INTS4: variants seen among roughly 807,000 people sequenced by gnomAD.
INTS4 encodes MSTP093.
INTS4 carries 70 observed loss-of-function variants against 119.5 expected under a neutral mutation model. The observed-to-expected ratio is 0.59, with a 90% CI of 0.48 to 0.71. INTS4 has a LOEUF of 0.71. Among genes scored for constraint, INTS4 ranks in the 30% least tolerant of loss-of-function variants. The pLI, the probability that INTS4 is intolerant of heterozygous loss-of-function variation, is 0.00. For synonymous variants in INTS4, 316 were observed against 419.6 expected, an observed-to-expected ratio of 0.75 and a Z score of 3.02; for missense variants, 867 against 1,173.2, an observed-to-expected ratio of 0.74 and a Z score of 3.81.
At chr11:77,949,692 G>T (rs1954140229) in intron 8 of INTS4, among the ~76,000 whole-genome samples, 1 of 152,138 alleles carries the variant, frequency 6.6e-6, no homozygotes, top group African/African-American at 2.4e-5. Flanking sequence ...AGTTAGAATG[G>T]CAATCATTAA....
chr11:77,882,200 G>T (rs75614008), intron 22 of INTS4, among the ~76,000 whole-genome samples: 2,156 of 152,260 alleles, frequency 0.014, 54 homozygotes, highest in African/African-American at 0.048. Flanking sequence ...CAAGCCACCA[G>T]GCCTGGCTGT....
chr11:77,910,679 CAATTA>C (rs910514326), intron 15 of INTS4, among the ~76,000 whole-genome samples: 7 of 152,162 alleles, frequency 4.6e-5, no homozygotes, highest in African/African-American at 1.7e-4. Context: ...AAAGGATATA[CAATTA>C]AATTAAATTA....
At chr11:77,887,883 T>C (rs1952086361) in intron 21 of INTS4, among the ~76,000 whole-genome samples, 1 of 152,180 alleles carries the variant, frequency 6.6e-6, no homozygotes, top group South Asian at 2.1e-4. Flanking sequence ...GAAGGACCTC[T>C]TCAAGGAGAA....
chr11:77,955,299 T>G (rs1954291028), intron 8 of INTS4, among the ~76,000 whole-genome samples: 1 of 152,148 alleles, frequency 6.6e-6, no homozygotes, highest in Non-Finnish European at 1.5e-5. Context: ...ACTGCACTAT[T>G]GCACTCCTGC....
chr11:77,883,366 C>T (rs1441050910), intron 22 of INTS4, among the ~76,000 whole-genome samples: 3 of 151,994 alleles, frequency 2.0e-5, no homozygotes. Context: ...CCATTTTATC[C>T]TCACAATTCA....
intron 8 of INTS4, among the ~76,000 whole-genome samples, chr11:77,945,688 G>A (rs1039968361): frequency 2.6e-5 from 4 of 152,022 alleles, no homozygotes; most frequent in Non-Finnish European, 4.4e-5. Context: ...GTATGCACAC[G>A]CCAGTACTCA....
At chr11:77,915,861 G>A (rs117350518) in intron 15 of INTS4, among the ~76,000 whole-genome samples, 2,173 of 152,222 alleles carry the variant, frequency 0.014, 45 homozygotes, top group African/African-American at 0.048. Flanking sequence ...AAACACATTC[G>A]CATGAGTTTT....
Position 77,908,689 on chromosome 11 carries a change from T to C in INTS4, c.1923-879A>G, listed in dbSNP as rs78947660. On this transcript the variant is annotated intron_variant, in intron 15 of 22. Coordinates refer to ENST00000534064, the MANE Select transcript of INTS4 (RefSeq NM_033547.4). ...TTAATAAGGTGTATGATCTCAACTA[T>C]GTAAAAACTATATAGAGGAGAAAAA... Among the ~76,000 whole-genome samples, 345 of 152,296 alleles carry C rather than the reference T, an allele frequency of 2.3e-3. 1 individual carries two copies. The highest frequency in any genetic ancestry group is 7.7e-3 in the African/African-American group (319 of 41,568).
At chr11:77,934,629 A>C (rs1953747608) in intron 10 of INTS4, among the ~76,000 whole-genome samples, 1 of 152,206 alleles carries the variant, frequency 6.6e-6, no homozygotes, top group South Asian at 2.1e-4. Flanking sequence ...AAAAAAATAA[A>C]AGTGATGAAA....
chr11:77,959,311 C>T (rs2136579062), intron 6 of INTS4, among the ~76,000 whole-genome samples: 1 of 152,304 alleles, frequency 6.6e-6, no homozygotes, highest in African/African-American at 2.4e-5. Context: ...TCTGATTTCT[C>T]CTGATCTCCA....
intron 2 of INTS4, among the ~76,000 whole-genome samples, 162 bp from the exon 3 acceptor site, chr11:77,981,738 CTTTTATTT>C (rs748868668): frequency 3.7e-5 from 5 of 136,970 alleles, no homozygotes; most frequent in South Asian, 2.3e-4. Flanking sequence ...AGACAGCTTT[CTTTTATTT>C]ATTTATTTAT....
intron 12 of INTS4, chr11:77,922,905 A>G (rs1953397874): frequency 4.6e-6 from 1 of 218,736 alleles, no homozygotes; most frequent in African/African-American, 2.4e-5. Context: ...GCACGAGAGT[A>G]TGCTGGCTGG....
At chr11:77,953,687 G>T (rs1954250244) in intron 8 of INTS4, among the ~76,000 whole-genome samples, 1 of 151,982 alleles carries the variant, frequency 6.6e-6, no homozygotes, top group Non-Finnish European at 1.5e-5. Context: ...AGGTTCAAGT[G>T]ATCCTCCCAC....
At chr11:77,881,908 A>C (rs1472088360) in intron 22 of INTS4, among the ~76,000 whole-genome samples, 2 of 150,748 alleles carry the variant, frequency 1.3e-5, no homozygotes, top group African/African-American at 2.5e-5. Flanking sequence ...CTTGTTTCTG[A>C]TGGTTTTTTT....
intron 8 of INTS4, among the ~76,000 whole-genome samples, chr11:77,950,007 C>A (rs531074037): frequency 1.3e-5 from 2 of 152,186 alleles, no homozygotes; most frequent in South Asian, 4.1e-4. Context: ...GAAAATGTGG[C>A]GCATATACAC....
In INTS4 at chr11:77,941,264, A is replaced by C. The variant is rs1470934972; in HGVS notation, c.919-13T>G. On this transcript the variant is annotated splice_polypyrimidine_tract_variant and intron_variant, in intron 8 of 22. Transcript: ENST00000534064. Reference sequence around the variant, plus strand: ...GCTCCATAGAGCCCTATAAAAAGAAAAATCCAGAGCATATAAAACAACTTT... The same window carrying C: ...GCTCCATAGAGCCCTATAAAAAGAACAATCCAGAGCATATAAAACAACTTT... The C allele has an allele frequency of 1.9e-6, 3 of 1,597,904 alleles. No individual in the cohort carries two copies. The highest frequency in any genetic ancestry group is 2.6e-6 in the Non-Finnish European group (3 of 1,175,952).
intron 15 of INTS4, chr11:77,915,264 G>C (rs1312825158): frequency 6.6e-6 from 1 of 152,474 alleles, no homozygotes; most frequent in Non-Finnish European, 1.5e-5. Flanking sequence ...GTGAAGGCCT[G>C]TGCTAGGTAG....
intron 2 of INTS4, among the ~76,000 whole-genome samples, chr11:77,984,913 T>TG (rs1491216731): frequency 3.4e-4 from 7 of 20,614 alleles, no homozygotes; most frequent in Admixed American, 3.2e-3. Context: ...TAAATGTAAA[T>TG]GAAAAAAAAA....
At chr11:77,912,038 A>G (rs1591046460) in intron 15 of INTS4, among the ~76,000 whole-genome samples, 1 of 152,164 alleles carries the variant, frequency 6.6e-6, no homozygotes, top group East Asian at 1.9e-4. Context: ...TATTAATTAC[A>G]TCAAACACAG....
Sources: allele counts gnomAD v4.1 joint callset (sites outside exome capture counted in the v4.1 genomes callset), GRCh38; gene constraint gnomAD v4.1.1; transcripts MANE v1.5; gene names NCBI Gene and HGNC (gene_info 2026-07-23, HGNC 2026-07-21).